Variants in MYO16 observed in about 807,000 individuals in gnomAD.
MYO16 encodes myosin XVI, also known as unconventional myosin-XVI.
MYO16 carries 94 observed loss-of-function variants against 205.3 expected under a neutral mutation model. That is an observed-to-expected ratio of 0.46 (90% CI 0.39 to 0.54). The LOEUF (loss-of-function observed/expected upper bound fraction) is 0.54, where lower values mean the gene tolerates loss of function less well. MYO16 is among the 20% of genes least tolerant of loss of function. The pLI is 0.00. For missense variants in MYO16, 2,315 were observed against 2,387.5 expected (o/e 0.97, Z 0.63); for synonymous variants, 988 against 954.0 (o/e 1.04, Z -0.66).
At chr13:108,675,878 C>A (rs1436622024) in intron 2 of MYO16, among the ~76,000 whole-genome samples, 2 of 152,204 alleles carry the variant, frequency 1.3e-5, no homozygotes, top group African/African-American at 2.4e-5. Flanking sequence ...TACTTAAGAG[C>A]TGTCTGTCCC....
the MYO16 span, among the ~76,000 whole-genome samples, chr13:108,587,114 G>T: frequency 2.6e-5 from 4 of 152,286 alleles, no homozygotes; most frequent in East Asian, 1.9e-4. Flanking sequence ...GAAATTAGGG[G>T]TTTATGTAGC....
intron 2 of MYO16, among the ~76,000 whole-genome samples, chr13:108,700,549 G>A (rs1483543318): frequency 6.6e-6 from 1 of 152,122 alleles, no homozygotes; most frequent in Non-Finnish European, 1.5e-5. Context: ...CTGCAGACTG[G>A]GTTTGGATCT....
At chr13:108,524,646 G>A in the MYO16 span, among the ~76,000 whole-genome samples, 2 of 152,164 alleles carry the variant, frequency 1.3e-5, no homozygotes, top group African/African-American at 4.8e-5. Context: ...TTTGTGCCAT[G>A]ATCCTCTTTG....
rs146031927 is a variant in MYO16, at chr13:108,709,524, T to C, written c.293-3137T>C. On this transcript the variant is annotated intron_variant, in intron 2 of 34. Coordinates refer to ENST00000457511, the MANE Select transcript of MYO16 (RefSeq NM_001198950.3). Reference sequence around the variant, plus strand: ...TTAGTAAAAGAAAGAGTGACGATTATAGTGTCTGTATTATAGAGGTGTGGA... The same window carrying C: ...TTAGTAAAAGAAAGAGTGACGATTACAGTGTCTGTATTATAGAGGTGTGGA... 1.3e-4 allele frequency among the ~76,000 whole-genome samples: 17 copies of C among 134,052 alleles called. 3 individuals carry two copies. The highest frequency in any genetic ancestry group is 3.9e-4 in the African/African-American group (14 of 36,066). The allele number at this position is 134,052 out of a possible 152,430, so 87.9% of individuals were successfully genotyped here. A position where few individuals can be genotyped will look rare whatever the true frequency, so the allele number is the denominator to read the frequency against.
At position 109,055,301 on chromosome 13, in the gene MYO16, G is replaced by A. The variant is rs909720606; in HGVS notation, c.3130-89G>A. The A allele has an allele frequency of 1.2e-5, 14 of 1,126,360 alleles. No homozygotes were observed. Among genetic ancestry groups the A allele is most frequent in the Admixed American group, 2.4e-5 (1 of 41,302 alleles). 69.8% of individuals were successfully genotyped at this position (1,126,360 alleles called of 1,614,324 possible). On this transcript the variant is annotated intron_variant, in intron 26 of 34. Coordinates refer to ENST00000457511, the MANE Select transcript of MYO16 (RefSeq NM_001198950.3). The surrounding 1 kb of genome is among the most constrained non-coding windows in gnomAD (Gnocchi z 5.0). ...GAGTAAATGCATAATGAGATTTAAA[G>A]ACGTAAAGACTTTTTATTTAAAAAC... is the stretch of plus-strand genomic sequence containing the variant.
intron 1 of MYO16, among the ~76,000 whole-genome samples, chr13:108,655,526 G>A (rs1462257780): frequency 6.6e-6 from 1 of 152,146 alleles, no homozygotes; most frequent in Non-Finnish European, 1.5e-5. Flanking sequence ...GGAAATGTGG[G>A]GTCAGAGCCT....
chr13:108,774,976 A>G (rs907324529), intron 4 of MYO16, among the ~76,000 whole-genome samples: 1 of 152,206 alleles, frequency 6.6e-6, no homozygotes, highest in Non-Finnish European at 1.5e-5. Flanking sequence ...GAAAATGTAG[A>G]GTGATTGCTA....
intron 2 of MYO16, among the ~76,000 whole-genome samples, chr13:108,696,989 A>AT (rs1202087420): frequency 6.6e-6 from 1 of 151,852 alleles, no homozygotes; most frequent in Non-Finnish European, 1.5e-5. Context: ...AAAAAAAAAA[A>AT]AAAATACCCT....
intron 27 of MYO16, among the ~76,000 whole-genome samples, chr13:109,091,164 G>A (rs766408813): frequency 3.3e-5 from 5 of 152,306 alleles, no homozygotes; most frequent in South Asian, 4.1e-4. Flanking sequence ...AGACAGCCAC[G>A]TTTTTGGTGT....
intron 34 of MYO16, among the ~76,000 whole-genome samples, chr13:109,183,962 A>C (rs67403305): frequency 0.56 from 84,895 of 151,572 alleles, 25,596 homozygotes; most frequent in African/African-American, 0.79. Context: ...TGTCATATAA[A>C]AACAAAGTTA....
chr13:108,826,392 G>A (rs1246476594), intron 9 of MYO16, among the ~76,000 whole-genome samples: 1 of 152,044 alleles, frequency 6.6e-6, no homozygotes, highest in African/African-American at 2.4e-5. Context: ...AGTTGGACCT[G>A]AACTTTATGT....
rs1038615724 is a variant in MYO16 at position 108,612,762 on chromosome 13, G to A, written c.-39+16523G>A. Among the ~76,000 whole-genome samples, 7 of 152,116 alleles carry A rather than the reference G, an allele frequency of 4.6e-5. No individual in the cohort carries two copies. The South Asian group carries it at 6.2e-4, about 14-fold the overall frequency. On this transcript the variant is annotated intron_variant, in intron 1 of 24. Transcript: ENST00000251041. ...CATTCCCATTACCTCCTTTCAGACC[G>A]TGAGAAAGGTAACTCTTCAAGAGTG... is the stretch of plus-strand genomic sequence containing the variant.
intron 25 of MYO16, among the ~76,000 whole-genome samples, chr13:109,053,238 T>G (rs1887307157): frequency 6.6e-6 from 1 of 152,134 alleles, no homozygotes; most frequent in Non-Finnish European, 1.5e-5. Context: ...GAATACATTT[T>G]AACTTACCAA....
intron 16 of MYO16, among the ~76,000 whole-genome samples, chr13:108,935,134 C>T (rs1290318484): frequency 3.3e-5 from 5 of 151,930 alleles, no homozygotes; most frequent in Non-Finnish European, 7.4e-5. Context: ...GAATTTTAAA[C>T]AGTTTTTTCC....
At chr13:109,103,264 C>T (rs891412000) in intron 28 of MYO16, among the ~76,000 whole-genome samples, 1 of 152,142 alleles carries the variant, frequency 6.6e-6, no homozygotes, top group Admixed American at 6.5e-5. Context: ...AGAATTCCTC[C>T]TAGTCAATTC....
At chr13:108,718,478 G>A (rs1204890036) in intron 3 of MYO16, among the ~76,000 whole-genome samples, 2 of 151,608 alleles carry the variant, frequency 1.3e-5, no homozygotes, top group Non-Finnish European at 2.9e-5. Context: ...CACAGGGGCT[G>A]TTCCTGCATG....
the MYO16 span, among the ~76,000 whole-genome samples, chr13:108,574,520 A>G: frequency 6.6e-6 from 1 of 152,214 alleles, no homozygotes; most frequent in African/African-American, 2.4e-5. Flanking sequence ...CTTTTATGTA[A>G]CAGGAAGAAC....
the MYO16 span, among the ~76,000 whole-genome samples, chr13:108,573,433 A>T: frequency 6.6e-6 from 1 of 152,256 alleles, no homozygotes; most frequent in African/African-American, 2.4e-5. Context: ...CTGTATATTT[A>T]AAAATTAATT....
intron 4 of MYO16, among the ~76,000 whole-genome samples, chr13:108,762,345 T>C (rs1473792563): frequency 6.6e-6 from 1 of 152,220 alleles, no homozygotes; most frequent in East Asian, 1.9e-4. Flanking sequence ...TTTATTTTCC[T>C]TTGGGAAGAT....
Sources: gnomAD v4.1 joint callset for allele counts (sites outside exome capture counted in the v4.1 genomes callset) on GRCh38, gnomAD v4.1.1 for gene constraint, Gnocchi (gnomAD v3.1) non-coding constraint, MANE v1.5 for transcripts, NCBI Gene and HGNC (gene_info 2026-07-23, HGNC 2026-07-21) for gene names.